The following SLC4A7 variants were observed in gnomAD, a reference collection of about 807,000 sequenced individuals.
SLC4A7 encodes the protein solute carrier family 4 member 7.
Under a neutral mutation model 137.6 loss-of-function variants are expected in SLC4A7, and 51 were observed. That is an observed-to-expected ratio of 0.37 (90% CI 0.30 to 0.47). The LOEUF (loss-of-function observed/expected upper bound fraction) is 0.47. Ranked by LOEUF, SLC4A7 falls within the 20% of genes least tolerant of loss-of-function variation. The pLI is 1.00. For synonymous variants in SLC4A7, 542 were observed against 518.6 expected (o/e 1.05, Z -0.61); for missense variants, 1,247 against 1,525.4 (o/e 0.82, Z 3.04).
chr3:27,479,014 A>AAT (rs971692049), intron 1 of SLC4A7, among the ~76,000 whole-genome samples: 2 of 151,952 alleles, frequency 1.3e-5, no homozygotes, highest in Non-Finnish European at 2.9e-5. Context: ...TCAGGAAAAA[A>AAT]AAAAACAAAA....
chr3:27,403,200 C>G lies in SLC4A7; in HGVS notation c.2260G>C (p.Asp754His). The G allele has an allele frequency of 6.2e-7, 1 of 1,613,848 alleles. No individual in the cohort carries two copies. The highest frequency in any genetic ancestry group is 8.5e-7 in the Non-Finnish European group (1 of 1,179,904). Residue 754 changes from aspartate (D) to histidine (H), a missense_variant, in exon 15 of 26, where the codon GAT becomes CAT. By Grantham distance (81) the Asp-to-His change is moderately conservative. Around this residue, in one of 6 missense-constraint regions of SLC4A7, gnomAD observed 499 missense variants for 664.2 expected, o/e 0.75. Transcript: ENST00000454389. Reference sequence around the variant, plus strand: ...TTAAATGCATATGTTTCTCCTAAATCAAAGAGCTTCTCCAAAGCCTCGTAG... The same window carrying G: ...TTAAATGCATATGTTTCTCCTAAATGAAAGAGCTTCTCCAAAGCCTCGTAG... ...FIYEALEKLFDLGETYAFNMH... is the reference protein window; with the variant it reads ...FIYEALEKLFHLGETYAFNMH...
intron 21 of SLC4A7, among the ~76,000 whole-genome samples, chr3:27,391,329 A>G (rs2051530743): frequency 6.6e-6 from 1 of 152,194 alleles, no homozygotes; most frequent in Admixed American, 6.5e-5. Flanking sequence ...GAGGATCACA[A>G]AATGATGTAT....
At chr3:27,404,775 T>G in intron 14 of SLC4A7, 55 bp downstream of exon 14, 1 of 1,372,026 alleles carries the variant, frequency 7.3e-7, no homozygotes, top group Non-Finnish European at 1.0e-6. Flanking sequence ...CCTTCTAAGT[T>G]AATAAACAAT....
intron 22 of SLC4A7, 32 bp downstream of exon 22, chr3:27,389,899 T>C (rs767598723): frequency 6.5e-7 from 1 of 1,528,556 alleles, no homozygotes; most frequent in Admixed American, 1.7e-5. Flanking sequence ...ATATTATTAA[T>C]TAGTGACAAA....
intron 13 of SLC4A7, among the ~76,000 whole-genome samples, chr3:27,405,368 C>T (rs1449453389): frequency 1.3e-5 from 2 of 152,056 alleles, no homozygotes; most frequent in Non-Finnish European, 2.9e-5. Flanking sequence ...CTGAACTACT[C>T]CTGGTTCGAA....
Position 27,481,971 on chromosome 3 carries a change from T to C in SLC4A7, c.60+2096A>G, listed in dbSNP as rs964539804. 4.1e-4 allele frequency among the ~76,000 whole-genome samples: 63 copies of C among 151,942 alleles called. 1 individual carries two copies. The highest frequency in any genetic ancestry group is 7.4e-5 in the Non-Finnish European group (5 of 67,976). On this transcript the variant is annotated intron_variant, in intron 1 of 25. Coordinates refer to ENST00000454389, the MANE Select transcript of SLC4A7 (RefSeq NM_001321103.2). ...ACCAACAGTGAAATCCCATCTCTACTAAAAATACAAAATTAGCCGAGTATG... is the reference window on the plus strand; with the variant it reads ...ACCAACAGTGAAATCCCATCTCTACCAAAAATACAAAATTAGCCGAGTATG...
intron 9 of SLC4A7, 101 bp downstream of exon 9, chr3:27,421,521 A>G: frequency 1.1e-6 from 1 of 910,262 alleles, no homozygotes; most frequent in Non-Finnish European, 1.6e-6. Context: ...AAATAAAATA[A>G]GCTTTTATTA....
chr3:27,391,601 T>C, intron 21 of SLC4A7, 139 bp downstream of exon 21: 1 of 614,832 alleles, frequency 1.6e-6, no homozygotes, highest in Non-Finnish European at 2.9e-6. Context: ...TTGGCAAATG[T>C]CTGAAGTCAT....
chr3:27,437,364 G>A (rs1454744410), intron 4 of SLC4A7, 24 bp downstream of exon 4: 37 of 1,397,580 alleles, frequency 2.6e-5, no homozygotes, highest in South Asian at 1.2e-4. Flanking sequence ...AAAAAAAAAA[G>A]AGAGAGAGAC....
At chr3:27,419,088 G>T (rs2150281399) in intron 10 of SLC4A7, among the ~76,000 whole-genome samples, 2 of 152,212 alleles carry the variant, frequency 1.3e-5, no homozygotes, top group Middle Eastern at 6.8e-3. Context: ...TGTGGATAAT[G>T]CAATGGTGAC....
chr3:27,430,870 T>C (rs1271983209), intron 7 of SLC4A7, among the ~76,000 whole-genome samples: 3 of 152,068 alleles, frequency 2.0e-5, no homozygotes, highest in African/African-American at 4.8e-5. Flanking sequence ...AATAAGTTCA[T>C]GGCAAATTAA....
rs2050591485 is a variant in SLC4A7, at chr3:27,383,142, T to G, written c.3590+11A>C. 1 of 1,542,422 alleles carries G rather than the reference T, an allele frequency of 6.5e-7. No homozygotes were observed. Among genetic ancestry groups the G allele is most frequent in the Non-Finnish European group, 9.0e-7 (1 of 1,116,066 alleles). ...CATATAAAAGTTTTAGAGCATAAAG[T>G]CATATCTCACCTATATTTTAGGGCC... On this transcript the variant is annotated intron_variant, in intron 24 of 25. Coordinates refer to ENST00000454389, the MANE Select transcript of SLC4A7 (RefSeq NM_001321103.2).
chr3:27,391,634 T>G (rs2051566771), intron 21 of SLC4A7, 106 bp downstream of exon 21: 2 of 690,904 alleles, frequency 2.9e-6, no homozygotes. Flanking sequence ...TAACCTCCCC[T>G]CAAAATGTCA....
At chr3:27,413,975 C>T (rs1409686336) in intron 11 of SLC4A7, among the ~76,000 whole-genome samples, 1 of 152,056 alleles carries the variant, frequency 6.6e-6, no homozygotes, top group Admixed American at 6.6e-5. Context: ...AGGATGGTAG[C>T]AGGATTAAAA....
At chr3:27,392,299 T>C (rs2051644198) in intron 20 of SLC4A7, among the ~76,000 whole-genome samples, 1 of 152,198 alleles carries the variant, frequency 6.6e-6, no homozygotes, top group Non-Finnish European at 1.5e-5. Context: ...GCAGTTATGA[T>C]GATCCCAAAC....
At chr3:27,426,035 C>T (rs2055577779) in intron 7 of SLC4A7, among the ~76,000 whole-genome samples, 2 of 152,136 alleles carry the variant, frequency 1.3e-5, no homozygotes, top group African/African-American at 2.4e-5. Flanking sequence ...ATACCTGACA[C>T]ATCTAAAGGA....
At position 27,404,897 on chromosome 3, in the gene SLC4A7, G is replaced by T; in HGVS notation, c.2008C>A (p.Pro670Thr). 3 of 1,610,486 alleles carry T rather than the reference G, an allele frequency of 1.9e-6. No homozygotes were observed. The highest frequency in any genetic ancestry group is 1.7e-6 in the Non-Finnish European group (2 of 1,178,534). The change falls in exon 14 of 26, where the codon CCT becomes ACT. Residue 670 changes from proline to threonine, a missense_variant. Around this residue, in one of 6 missense-constraint regions of SLC4A7, gnomAD observed 499 missense variants for 664.2 expected, o/e 0.75. Coordinates refer to ENST00000454389, the MANE Select transcript of SLC4A7 (RefSeq NM_001321103.2). ...CCTGTGCTCCCCAATATTGTTAGAG[G>T]TTGCCCAGCAAACAATGAATAGGCA... The part of the protein sequence containing the change: ...GIAYSLFAGQ[P>T]LTILGSTGPV...
intron 1 of SLC4A7, among the ~76,000 whole-genome samples, chr3:27,467,128 G>C (rs1361084547): frequency 6.6e-6 from 1 of 152,090 alleles, no homozygotes; most frequent in Non-Finnish European, 1.5e-5. Context: ...CTTCAGCTTG[G>C]ATAAGATATA....
intron 20 of SLC4A7, among the ~76,000 whole-genome samples, chr3:27,392,962 T>C (rs998832168): frequency 9.9e-5 from 15 of 152,108 alleles, no homozygotes; most frequent in African/African-American, 2.7e-4. Context: ...AATATAATGA[T>C]ATGAAAAAAG....
Sources: allele counts gnomAD v4.1 joint callset (sites outside exome capture counted in the v4.1 genomes callset), GRCh38; gene constraint gnomAD v4.1.1; regional missense constraint gnomAD v4.1.1; transcripts MANE v1.5; gene names NCBI Gene and HGNC (gene_info 2026-07-23, HGNC 2026-07-21).